The following MAP4K3 variants were observed in gnomAD, a reference collection of about 807,000 sequenced individuals.
MAP4K3 encodes the protein mitogen-activated protein kinase kinase kinase kinase 3.
In MAP4K3, 94 loss-of-function variants were observed where a neutral mutation model predicts 143.5. The ratio of observed to expected loss-of-function variants is 0.65; its 90% CI spans 0.55 to 0.78. The LOEUF (loss-of-function observed/expected upper bound fraction) is 0.78, where lower values mean the gene tolerates loss of function less well. Among genes scored for constraint, MAP4K3 ranks in the 30% least tolerant of loss-of-function variants. MAP4K3 has a pLI of 0.00. For synonymous variants in MAP4K3, 416 were observed against 347.2 expected, an observed-to-expected ratio of 1.20 and a Z score of -2.20; for missense variants, 1,077 against 1,068.1, an observed-to-expected ratio of 1.01 and a Z score of -0.12.
intron 1 of MAP4K3, among the ~76,000 whole-genome samples, chr2:39,420,184 G>A (rs1370620614): frequency 6.6e-6 from 1 of 152,128 alleles, no homozygotes; most frequent in Non-Finnish European, 1.5e-5. Context: ...GAAAGCAAAC[G>A]CTAAACAATC....
At chr2:39,341,858 T>A (rs893262972) in intron 4 of MAP4K3, among the ~76,000 whole-genome samples, 1 of 151,994 alleles carries the variant, frequency 6.6e-6, no homozygotes, top group Non-Finnish European at 1.5e-5. Flanking sequence ...ATCTTTGAAA[T>A]CAAAATGCCA....
rs3086434 is a variant in MAP4K3 at position 39,392,183 on chromosome 2, C to CAAAAAAAAAAAAAAAAA, written c.97-14077_97-14061dup. Among the ~76,000 whole-genome samples the CAAAAAAAAAAAAAAAAA allele has an allele frequency of 2.3e-4, 16 of 69,032 alleles. 1 individual carries two copies. The highest frequency in any genetic ancestry group is 9.6e-4 in the East Asian group (2 of 2,094). 45.3% of individuals were successfully genotyped at this position (69,032 alleles called of 152,430 possible). A position where few individuals can be genotyped will look rare whatever the true frequency, so the allele number is the denominator to read the frequency against. On this transcript the variant is annotated intron_variant, in intron 1 of 33. Transcript: ENST00000263881. ...CTGGCAACAGAACGACACTCCTACTCAAAAAAAAAAAAAAAAAAAAAATTA... is the reference window on the plus strand; with the variant it reads ...CTGGCAACAGAACGACACTCCTACTCAAAAAAAAAAAAAAAAAAAAAAAAAAAAAAAAAAAAAAATTA...
At position 39,436,840 on chromosome 2, in the gene MAP4K3, G is replaced by C. The variant is rs1187727594; in HGVS notation, c.96+52C>G. The C allele has an allele frequency of 9.3e-6, 14 of 1,509,890 alleles. No individual in the cohort carries two copies. In the Admixed American group the frequency reaches 2.2e-4, roughly 23 times the overall value. 93.5% of individuals were successfully genotyped at this position (1,509,890 alleles called of 1,614,324 possible). A position where few individuals can be genotyped will look rare whatever the true frequency, so the allele number is the denominator to read the frequency against. On this transcript the variant is annotated intron_variant, in intron 1 of 33. Coordinates refer to ENST00000263881, the MANE Select transcript of MAP4K3 (RefSeq NM_003618.4). Reference sequence around the variant, plus strand: ...GGCAAGGGCTCGGACGCCCAGGCTTGGCTGCGGGTCGGGATCCCACGGCCT... The same window carrying C: ...GGCAAGGGCTCGGACGCCCAGGCTTCGCTGCGGGTCGGGATCCCACGGCCT...
intron 1 of MAP4K3, among the ~76,000 whole-genome samples, chr2:39,387,446 A>G (rs1450554791): frequency 6.6e-6 from 1 of 152,184 alleles, no homozygotes. Flanking sequence ...CAGATCCTAT[A>G]CGTAATTTCA....
chr2:39,350,607 T>A (rs1037085592), intron 3 of MAP4K3, among the ~76,000 whole-genome samples: 3 of 152,200 alleles, frequency 2.0e-5, no homozygotes, highest in South Asian at 2.1e-4. Flanking sequence ...TGTCTCTGGC[T>A]CTAGAAAAAA....
intron 2 of MAP4K3, among the ~76,000 whole-genome samples, chr2:39,358,938 C>T (rs1395490569): frequency 6.6e-6 from 1 of 152,064 alleles, no homozygotes; most frequent in Non-Finnish European, 1.5e-5. Flanking sequence ...TACATCATTC[C>T]ACTCCTGGCC....
chr2:39,315,426 T>A (rs749519291), intron 12 of MAP4K3, 38 bp from the exon 13 acceptor site: 31 of 1,362,376 alleles, frequency 2.3e-5, no homozygotes, highest in Non-Finnish European at 3.1e-5. Context: ...CAGCATTTGA[T>A]AATCAAGTCA....
intron 2 of MAP4K3, among the ~76,000 whole-genome samples, chr2:39,366,455 A>G (rs1208779887): frequency 6.6e-6 from 1 of 152,170 alleles, no homozygotes; most frequent in Non-Finnish European, 1.5e-5. Context: ...TTCAGACGTA[A>G]ATGTTTCAGA....
At chr2:39,399,972 T>C (rs1383171257) in intron 1 of MAP4K3, among the ~76,000 whole-genome samples, 1 of 152,170 alleles carries the variant, frequency 6.6e-6, no homozygotes, top group Non-Finnish European at 1.5e-5. Flanking sequence ...GAAAAACAAG[T>C]TGGTAAGTTT....
chr2:39,405,607 C>T (rs1667072554), intron 1 of MAP4K3, among the ~76,000 whole-genome samples: 1 of 152,206 alleles, frequency 6.6e-6, no homozygotes. Context: ...GATGCTCACA[C>T]CAGTAATCCC....
At chr2:39,369,070 C>CT (rs1666003781) in intron 2 of MAP4K3, among the ~76,000 whole-genome samples, 2 of 152,266 alleles carry the variant, frequency 1.3e-5, no homozygotes, top group South Asian at 4.1e-4. Flanking sequence ...ACCAGCAGGG[C>CT]TTCTCTCCCA....
intron 18 of MAP4K3, among the ~76,000 whole-genome samples, chr2:39,291,564 G>C (rs1309305519): frequency 4.6e-5 from 7 of 152,112 alleles, no homozygotes; most frequent in Admixed American, 3.3e-4. Context: ...CTGAAGTTAG[G>C]ATTCATTATA....
chr2:39,388,751 T>C lies in MAP4K3; in HGVS notation c.97-10628A>G, dbSNP rs1171368044. Among the ~76,000 whole-genome samples the C allele has an allele frequency of 3.9e-5, 6 of 152,166 alleles. No homozygotes were observed. The South Asian group carries it at 1.0e-3, about 26-fold the overall frequency. On this transcript the variant is annotated intron_variant, in intron 1 of 33. Transcript: ENST00000263881. ...AGCATAGGGTTAAAATTTACACTGA[T>C]TTTGAGGGCCAGGAGCCTCAAGTCA...
intron 1 of MAP4K3, among the ~76,000 whole-genome samples, chr2:39,393,826 G>A (rs1213229321): frequency 6.6e-6 from 1 of 152,054 alleles, no homozygotes; most frequent in East Asian, 1.9e-4. Flanking sequence ...TGAAAAGTCA[G>A]CCATATATAT....
chr2:39,396,608 G>C (rs969862153), intron 1 of MAP4K3, among the ~76,000 whole-genome samples: 25 of 151,390 alleles, frequency 1.7e-4, no homozygotes, highest in African/African-American at 6.1e-4. Flanking sequence ...CAAGTAGCTG[G>C]GACTACAGGC....
Position 39,258,347 on chromosome 2 carries a change from C to A in MAP4K3, c.2470+1G>T. Reference sequence around the variant, plus strand: ...CAAAGAATTATAAAACTTTGACTTACCTATTGATTCAATCTGGAAATCAAA... The same window carrying A: ...CAAAGAATTATAAAACTTTGACTTAACTATTGATTCAATCTGGAAATCAAA... On this transcript the variant is annotated splice_donor_variant, in intron 31 of 33. Coordinates refer to ENST00000263881, the MANE Select transcript of MAP4K3 (RefSeq NM_003618.4). LOFTEE classifies it high-confidence loss of function. 1 of 1,578,644 alleles carries A rather than the reference C, an allele frequency of 6.3e-7. No homozygotes were observed. Among genetic ancestry groups the A allele is most frequent in the Non-Finnish European group, 8.7e-7 (1 of 1,154,200 alleles).
chr2:39,354,285 T>C (rs1220038563), intron 3 of MAP4K3, among the ~76,000 whole-genome samples: 1 of 151,822 alleles, frequency 6.6e-6, no homozygotes. Flanking sequence ...CTACTAAAAA[T>C]ACAAAAAAAT....
intron 13 of MAP4K3, among the ~76,000 whole-genome samples, chr2:39,314,550 C>T (rs1683050566): frequency 6.6e-6 from 1 of 152,150 alleles, no homozygotes; most frequent in South Asian, 2.1e-4. Flanking sequence ...TACCAAATCC[C>T]ACTCCTGAGC....
intron 3 of MAP4K3, among the ~76,000 whole-genome samples, chr2:39,345,327 G>A (rs578029716): frequency 2.4e-4 from 36 of 152,146 alleles, no homozygotes; most frequent in Non-Finnish European, 4.0e-4. Context: ...GGGGCGGGGC[G>A]TATTATTTGA....
Sources: allele counts gnomAD v4.1 joint callset (sites outside exome capture counted in the v4.1 genomes callset), GRCh38; gene constraint gnomAD v4.1.1; transcripts MANE v1.5; gene names NCBI Gene and HGNC (gene_info 2026-07-23, HGNC 2026-07-21).